The following ZNF563 variants were observed in gnomAD, a reference collection of about 807,000 sequenced individuals.
ZNF563 encodes the protein zinc finger protein 563.
In ZNF563, 39 loss-of-function variants were observed where a neutral mutation model predicts 48.5. The ratio of observed to expected loss-of-function variants is 0.80; its 90% CI spans 0.62 to 1.05. The LOEUF (loss-of-function observed/expected upper bound fraction) is 1.05. Among genes scored for constraint, ZNF563 ranks in the 50% least tolerant of loss-of-function variants. The pLI is 0.00. For missense variants in ZNF563, 538 were observed against 597.0 expected (o/e 0.90, Z 1.03); for synonymous variants, 168 against 187.9 (o/e 0.89, Z 0.87).
rs1024959967 is a variant in ZNF563 at position 12,318,428 on chromosome 19, A to T, written c.*166T>A. ...AATCGATCACTTTCCCACATTCCTT[A>T]TATCATACAGCATCTCTCCAGTGTG... On this transcript the variant is annotated 3_prime_UTR_variant, in exon 4 of 4. Transcript: ENST00000293725. 1 of 799,908 alleles carries T rather than the reference A, an allele frequency of 1.3e-6. No homozygotes were observed. The highest frequency in any genetic ancestry group is 1.9e-6 in the Non-Finnish European group (1 of 520,062). The allele number at this position is 799,908 out of a possible 1,614,324, so 49.6% of individuals were successfully genotyped here. A position where few individuals can be genotyped will look rare whatever the true frequency, so the allele number is the denominator to read the frequency against.
the ZNF563 span, among the ~76,000 whole-genome samples, chr19:12,343,121 G>A: frequency 2.7e-4 from 41 of 151,884 alleles, no homozygotes; most frequent in African/African-American, 8.9e-4. Context: ...CGCTTGAACC[G>A]GGGAGGTGGA....
chr19:12,336,079 T>TA (rs1000508650), upstream of ZNF563, among the ~76,000 whole-genome samples: 27 of 152,172 alleles, frequency 1.8e-4, no homozygotes, highest in Non-Finnish European at 3.4e-4. Flanking sequence ...ACTGTTTGAA[T>TA]AAAAAATTGA....
upstream of ZNF563, chr19:12,333,795 G>C: frequency 2.2e-6 from 1 of 460,662 alleles, no homozygotes; most frequent in South Asian, 3.5e-5. Flanking sequence ...AGTGACAGAA[G>C]AAGCGATCAC....
intron 1 of ZNF563, among the ~76,000 whole-genome samples, chr19:12,328,740 GCCT>G (rs1438666340): frequency 6.6e-6 from 1 of 151,918 alleles, no homozygotes; most frequent in Non-Finnish European, 1.5e-5. Flanking sequence ...CTGTACTTAA[GCCT>G]GGGCAACAAA....
intron 3 of ZNF563, 133 bp downstream of exon 3, chr19:12,321,139 A>G (rs1968610675): frequency 1.5e-5 from 7 of 462,300 alleles, no homozygotes; most frequent in South Asian, 6.4e-5. Context: ...GGCCCTGACT[A>G]AAAAAAAAAG....
At chr19:12,346,452 A>G in the ZNF563 span, 1 of 152,264 alleles carries the variant, frequency 6.6e-6, no homozygotes, top group Non-Finnish European at 1.5e-5. Flanking sequence ...AGTATATGTG[A>G]CAATGTGGAA....
chr19:12,320,350 A>T (rs1051807693), intron 3 of ZNF563, among the ~76,000 whole-genome samples: 6 of 151,042 alleles, frequency 4.0e-5, no homozygotes, highest in African/African-American at 1.5e-4. Flanking sequence ...TTAATTAATT[A>T]ATTTATTTTT....
At chr19:12,323,077 T>C (rs1194902915) in intron 1 of ZNF563, among the ~76,000 whole-genome samples, 2 of 152,240 alleles carry the variant, frequency 1.3e-5, no homozygotes, top group Non-Finnish European at 1.5e-5. Flanking sequence ...GTCCTGAGAC[T>C]GCATGTCCTT....
chr19:12,335,621 G>A (rs994940927), upstream of ZNF563, among the ~76,000 whole-genome samples: 10 of 152,180 alleles, frequency 6.6e-5, no homozygotes, highest in African/African-American at 2.2e-4. Context: ...GCCTTCCTGG[G>A]CCATGGGTTG....
chr19:12,343,145 T>A, the ZNF563 span, among the ~76,000 whole-genome samples: 4 of 151,456 alleles, frequency 2.6e-5, no homozygotes, highest in Admixed American at 1.3e-4. Flanking sequence ...TGCAGTGAGC[T>A]GAGATCACGT....
chr19:12,347,171 T>G, the ZNF563 span: 1 of 152,204 alleles, frequency 6.6e-6, no homozygotes, highest in African/African-American at 2.4e-5. Flanking sequence ...GTTATTCTCA[T>G]GAATACTTCA....
chr19:12,331,807 T>G (rs368809703), intron 1 of ZNF563, among the ~76,000 whole-genome samples: 1 of 152,168 alleles, frequency 6.6e-6, no homozygotes. Flanking sequence ...GAAAAGATAG[T>G]GTGGGCTCAG....
chr19:12,326,622 C>T (rs1358914082), intron 1 of ZNF563, among the ~76,000 whole-genome samples: 3 of 148,766 alleles, frequency 2.0e-5, no homozygotes, highest in Non-Finnish European at 4.4e-5. Flanking sequence ...CCAGTATGGG[C>T]GACTGAGACT....
chr19:12,342,736 A>G, the ZNF563 span, among the ~76,000 whole-genome samples: 1 of 151,418 alleles, frequency 6.6e-6, no homozygotes, highest in East Asian at 1.9e-4. Context: ...TTAGGCCACC[A>G]CACTCCAGCC....
intron 1 of ZNF563, among the ~76,000 whole-genome samples, chr19:12,332,757 T>C (rs965135413): frequency 2.0e-5 from 3 of 152,142 alleles, no homozygotes; most frequent in Non-Finnish European, 2.9e-5. Flanking sequence ...GCACTATCAA[T>C]CAGCCCAAGT....
In ZNF563 at chr19:12,318,250, C is replaced by T. The variant is rs763526602; in HGVS notation, c.*344G>A. ...TTCCTGAGGTCAAGCAATTTGCCCA[C>T]CCTAAGTGCTGGGATTACAGGCGTG... is the stretch of plus-strand genomic sequence containing the variant. On this transcript the variant is annotated 3_prime_UTR_variant, in exon 4 of 4. Coordinates refer to ENST00000293725, the MANE Select transcript of ZNF563 (RefSeq NM_145276.3). 3.7e-6 allele frequency: 1 copy of T among 268,524 alleles called. No homozygotes were observed. Among genetic ancestry groups the T allele is most frequent in the Non-Finnish European group, 7.1e-6 (1 of 141,226 alleles). The allele number at this position is 268,524 out of a possible 1,614,324, so 16.6% of individuals were successfully genotyped here. A position where few individuals can be genotyped will look rare whatever the true frequency, so the allele number is the denominator to read the frequency against.
chr19:12,333,424 G>C (rs2145821878), intron 1 of ZNF563, 56 bp downstream of exon 1: 1 of 1,608,846 alleles, frequency 6.2e-7, no homozygotes, highest in East Asian at 2.2e-5. Flanking sequence ...GGCCGGTTCT[G>C]GACGGTTCCA....
At chr19:12,322,117 G>A (rs759478003) in intron 2 of ZNF563, among the ~76,000 whole-genome samples, 23 of 151,964 alleles carry the variant, frequency 1.5e-4, no homozygotes, top group African/African-American at 4.6e-4. Flanking sequence ...GTGCAGTGGC[G>A]TGATCTTGGC....
chr19:12,318,521 T>C lies in ZNF563; in HGVS notation c.*73A>G. ...TTTCCCACATTTACATTTATAGGGT[T>C]TCTGTCCAGTGTAAGTTTATTCATG... is the stretch of plus-strand genomic sequence containing the variant. On this transcript the variant is annotated 3_prime_UTR_variant, in exon 4 of 4. Transcript: ENST00000293725. 2 of 1,473,112 alleles carry C rather than the reference T, an allele frequency of 1.4e-6. No homozygotes were observed. The highest frequency in any genetic ancestry group is 1.8e-6 in the Non-Finnish European group (2 of 1,086,650). The allele number at this position is 1,473,112 out of a possible 1,614,324, so 91.3% of individuals were successfully genotyped here.
Sources: gnomAD v4.1 joint callset for allele counts (sites outside exome capture counted in the v4.1 genomes callset) on GRCh38, gnomAD v4.1.1 for gene constraint, MANE v1.5 for transcripts, NCBI Gene and HGNC (gene_info 2026-07-23, HGNC 2026-07-21) for gene names.